The following PCDH15 variants were observed in gnomAD, a reference collection of about 807,000 sequenced individuals.
PCDH15 encodes the protein protocadherin-15.
PCDH15 carries 129 observed loss-of-function variants against 178.5 expected under a neutral mutation model. The observed-to-expected ratio is 0.72, with a 90% CI of 0.63 to 0.84. The LOEUF (loss-of-function observed/expected upper bound fraction) is 0.84, where lower values mean the gene tolerates loss of function less well. Among genes scored for constraint, PCDH15 ranks in the 40% least tolerant of loss-of-function variants. PCDH15 has a pLI of 0.00. For synonymous variants in PCDH15, 800 were observed against 732.0 expected, an observed-to-expected ratio of 1.09 and a Z score of -1.50; for missense variants, 2,230 against 2,099.9, an observed-to-expected ratio of 1.06 and a Z score of -1.21.
chr10:54,357,500 A>G (rs1220782338), intron 5 of PCDH15, among the ~76,000 whole-genome samples: 1 of 152,118 alleles, frequency 6.6e-6, no homozygotes, highest in Admixed American at 6.5e-5. Flanking sequence ...ACCACTGCTC[A>G]ATGAAATAAA....
chr10:55,363,023 C>CAAAGCTGT (rs1441262531), intron 2 of PCDH15, among the ~76,000 whole-genome samples: 1 of 152,138 alleles, frequency 6.6e-6, no homozygotes, highest in Non-Finnish European at 1.5e-5. Context: ...GGGCCACATT[C>CAAAGCTGT]AAAGCTGTAA....
intron 8 of PCDH15, among the ~76,000 whole-genome samples, chr10:54,243,429 CCT>C (rs745495196): frequency 2.6e-5 from 4 of 152,092 alleles, no homozygotes; most frequent in Non-Finnish European, 5.9e-5. Context: ...ATGGCGTGAA[CCT>C]GGGAGGCGGA....
chr10:55,089,532 C>G (rs939753051), intron 2 of PCDH15, among the ~76,000 whole-genome samples: 1 of 152,014 alleles, frequency 6.6e-6, no homozygotes, highest in African/African-American at 2.4e-5. Flanking sequence ...GCTCTAGAAT[C>G]TTATTTTGTA....
chr10:54,405,671 C>T (rs2135543601), intron 3 of PCDH15, among the ~76,000 whole-genome samples: 1 of 150,964 alleles, frequency 6.6e-6, no homozygotes, highest in Non-Finnish European at 1.5e-5. Flanking sequence ...TGGACATGTA[C>T]TCCTGAACAT....
chr10:55,350,520 A>T (rs991676500), intron 2 of PCDH15, among the ~76,000 whole-genome samples: 29 of 151,912 alleles, frequency 1.9e-4, no homozygotes, highest in Non-Finnish European at 1.5e-5. Flanking sequence ...AAATATTAGA[A>T]ATAAGGAGAA....
At chr10:55,318,983 A>T (rs1843809373) in intron 1 of PCDH15, among the ~76,000 whole-genome samples, 1 of 152,086 alleles carries the variant, frequency 6.6e-6, no homozygotes, top group African/African-American at 2.4e-5. Context: ...TAAGGTGAGA[A>T]TCTTATTTGT....
At chr10:54,526,788 T>C (rs1001710808) in intron 3 of PCDH15, among the ~76,000 whole-genome samples, 4 of 152,190 alleles carry the variant, frequency 2.6e-5, no homozygotes, top group African/African-American at 9.6e-5. Context: ...TGTGGGAATA[T>C]ACATCTGCGT....
chr10:55,463,977 A>AAG (rs1565165758), intron 2 of PCDH15, among the ~76,000 whole-genome samples: 1 of 33,824 alleles, frequency 3.0e-5, no homozygotes, highest in Non-Finnish European at 4.5e-5. Flanking sequence ...AAGAAAGAGA[A>AAG]AGAAAGAAAG....
intron 18 of PCDH15, among the ~76,000 whole-genome samples, chr10:54,033,514 T>G (rs952929661): frequency 2.0e-5 from 3 of 152,092 alleles, no homozygotes; most frequent in Admixed American, 6.6e-5. Flanking sequence ...AGCATTGTTC[T>G]TTCAGCACTC....
intron 17 of PCDH15, among the ~76,000 whole-genome samples, chr10:54,078,651 T>C (rs996089719): frequency 1.3e-5 from 2 of 151,788 alleles, no homozygotes; most frequent in African/African-American, 4.8e-5. Flanking sequence ...TTATTAACAA[T>C]GGTAATATTA....
At chr10:54,626,423 C>A (rs2093552838) in intron 2 of PCDH15, among the ~76,000 whole-genome samples, 1 of 152,106 alleles carries the variant, frequency 6.6e-6, no homozygotes, top group Non-Finnish European at 1.5e-5. Context: ...CTGTGTGCAG[C>A]CAGGGACCTG....
intron 2 of PCDH15, among the ~76,000 whole-genome samples, chr10:55,053,231 G>A (rs2131990220): frequency 6.6e-6 from 1 of 152,202 alleles, no homozygotes; most frequent in East Asian, 1.9e-4. Flanking sequence ...AACTACTATA[G>A]AAGTTCATAT....
At chr10:55,245,536 C>A (rs1383561371) in intron 1 of PCDH15, among the ~76,000 whole-genome samples, 2 of 152,128 alleles carry the variant, frequency 1.3e-5, no homozygotes, top group African/African-American at 4.8e-5. Context: ...AAAATTCAAA[C>A]TGCCAGGTCA....
rs558354088 is a variant in PCDH15, at chr10:54,073,970, G to GA, written c.2091+5360dup. 5.9e-5 allele frequency among the ~76,000 whole-genome samples: 9 copies of GA among 152,266 alleles called. No homozygotes were observed. In the East Asian group the frequency reaches 1.5e-3, roughly 26 times the overall value. On this transcript the variant is annotated intron_variant, in intron 17 of 37. Transcript: ENST00000644397. ...AGGAAATCTGCTAGATGGGGTTTCT[G>GA]AAAAAACTTTGGTGCTTTGTTAAAA... is the stretch of plus-strand genomic sequence containing the variant.
chr10:53,840,506 A>G lies in PCDH15; in HGVS notation c.3807-10T>C. The G allele has an allele frequency of 6.2e-7, 1 of 1,612,266 alleles. No individual in the cohort carries two copies. Among genetic ancestry groups the G allele is most frequent in the Admixed American group, 1.7e-5 (1 of 60,020 alleles). ...ATAGCGATCCAAGATCCTATAAATC[A>G]AACAAAGTACAAACATGACAGTCCA... On this transcript the variant is annotated splice_polypyrimidine_tract_variant and intron_variant, in intron 28 of 37. Transcript: ENST00000644397.
intron 18 of PCDH15, among the ~76,000 whole-genome samples, chr10:54,042,578 G>T (rs2093571459): frequency 6.6e-6 from 1 of 151,996 alleles, no homozygotes; most frequent in Admixed American, 6.6e-5. Context: ...TCCATTTGAA[G>T]GTTTGGTAAG....
At chr10:54,996,903 G>A (rs1839659685) in intron 2 of PCDH15, among the ~76,000 whole-genome samples, 2 of 152,050 alleles carry the variant, frequency 1.3e-5, no homozygotes, top group Non-Finnish European at 2.9e-5. Flanking sequence ...GAGGTCAGGA[G>A]TTCGAGACCA....
chr10:54,231,269 T>A (rs2054034204), intron 9 of PCDH15, among the ~76,000 whole-genome samples: 1 of 152,218 alleles, frequency 6.6e-6, no homozygotes, highest in Non-Finnish European at 1.5e-5. Context: ...GGCCCCCAGA[T>A]ATGCCTCAGG....
intron 2 of PCDH15, among the ~76,000 whole-genome samples, chr10:55,431,539 C>T (rs1022082558): frequency 6.6e-6 from 1 of 152,102 alleles, no homozygotes; most frequent in African/African-American, 2.4e-5. Context: ...TATATGATAT[C>T]ACTGGAATTA....
Sources: allele counts gnomAD v4.1 joint callset (sites outside exome capture counted in the v4.1 genomes callset), GRCh38; gene constraint gnomAD v4.1.1; transcripts MANE v1.5; gene names NCBI Gene and HGNC (gene_info 2026-07-23, HGNC 2026-07-21).